The following MARCHF1 variants were observed in gnomAD, a reference collection of about 807,000 sequenced individuals.
MARCHF1 encodes membrane associated ring-CH-type finger 1, also known as E3 ubiquitin-protein ligase MARCHF1.
A neutral mutation model predicts 54.2 loss-of-function variants in MARCHF1; 40 were observed. The ratio of observed to expected loss-of-function variants is 0.74; its 90% CI spans 0.57 to 0.96. The LOEUF is 0.96. Ranked by LOEUF, MARCHF1 falls within the 40% of genes least tolerant of loss-of-function variation. MARCHF1 has a pLI of 0.00. For missense variants in MARCHF1, 586 were observed against 656.5 expected, an observed-to-expected ratio of 0.89 and a Z score of 1.17; for synonymous variants, 236 against 236.3, an observed-to-expected ratio of 1.00 and a Z score of 0.01.
chr4:164,319,276 GTA>G (rs1735077510), intron 1 of MARCHF1, among the ~76,000 whole-genome samples: 1 of 152,112 alleles, frequency 6.6e-6, no homozygotes, highest in South Asian at 2.1e-4. Context: ...ACAGGAGGAT[GTA>G]TATAGTTTAT....
intron 5 of MARCHF1, among the ~76,000 whole-genome samples, chr4:163,628,039 A>C (rs1741934287): frequency 6.6e-6 from 1 of 152,154 alleles, no homozygotes; most frequent in South Asian, 2.1e-4. Context: ...TTTCTAGATG[A>C]GGCACTAATA....
chr4:164,132,289 T>G (rs1756317359), intron 1 of MARCHF1, among the ~76,000 whole-genome samples: 1 of 152,182 alleles, frequency 6.6e-6, no homozygotes, highest in Admixed American at 6.6e-5. Context: ...ACAATCACTT[T>G]TTTTGACAAA....
intron 7 of MARCHF1, among the ~76,000 whole-genome samples, chr4:163,589,070 G>GA (rs34118569): frequency 0.47 from 60,428 of 127,834 alleles, 13,069 homozygotes; most frequent in East Asian, 0.62. Flanking sequence ...TGTCTTATTT[G>GA]AAAAAAAAAA....
chr4:164,036,890 A>G (rs1754017523), intron 2 of MARCHF1, among the ~76,000 whole-genome samples: 2 of 152,350 alleles, frequency 1.3e-5, no homozygotes, highest in South Asian at 4.1e-4. Context: ...ATATATGCAT[A>G]CCAAATGACT....
At chr4:163,749,292 C>A (rs1390835129) in intron 4 of MARCHF1, among the ~76,000 whole-genome samples, 2 of 150,720 alleles carry the variant, frequency 1.3e-5, no homozygotes, top group African/African-American at 4.9e-5. Context: ...TCTAGTATTG[C>A]TTTTTTTTTC....
intron 1 of MARCHF1, among the ~76,000 whole-genome samples, chr4:164,278,353 T>G (rs1441137984): frequency 6.6e-6 from 1 of 152,118 alleles, no homozygotes; most frequent in East Asian, 1.9e-4. Flanking sequence ...ACATGTGAAG[T>G]ATCCTGTCAA....
chr4:163,564,890 T>C (rs745617604), intron 8 of MARCHF1, among the ~76,000 whole-genome samples: 1 of 151,966 alleles, frequency 6.6e-6, no homozygotes, highest in East Asian at 1.9e-4. Context: ...TTTTTCATGA[T>C]GTCAGTTTCT....
chr4:164,064,702 G>A (rs965761214), intron 2 of MARCHF1, among the ~76,000 whole-genome samples: 2 of 152,170 alleles, frequency 1.3e-5, no homozygotes, highest in Non-Finnish European at 2.9e-5. Context: ...GGAGTGGTGA[G>A]AGAAGGCATC....
chr4:163,857,316 G>A (rs954119695), intron 3 of MARCHF1, among the ~76,000 whole-genome samples: 28 of 152,116 alleles, frequency 1.8e-4, no homozygotes, highest in African/African-American at 5.6e-4. Context: ...CTGAAGAATT[G>A]AAATGTTGAT....
chr4:163,578,398 A>T (rs11947659), intron 8 of MARCHF1, among the ~76,000 whole-genome samples: 4,468 of 152,094 alleles, frequency 0.029, 216 homozygotes, highest in African/African-American at 0.097. Flanking sequence ...ACTAATAAGG[A>T]AGTACTAAAA....
intron 8 of MARCHF1, among the ~76,000 whole-genome samples, chr4:163,546,907 T>C (rs1738930704): frequency 6.6e-6 from 1 of 152,238 alleles, no homozygotes; most frequent in South Asian, 2.1e-4. Flanking sequence ...ACTTCATTAT[T>C]ATGTTAGGAA....
chr4:163,960,088 C>T (rs1752317120), intron 3 of MARCHF1, among the ~76,000 whole-genome samples: 3 of 151,862 alleles, frequency 2.0e-5, no homozygotes, highest in Non-Finnish European at 1.5e-5. Context: ...GAGAAATGCA[C>T]GTCAAAACCA....
chr4:163,761,980 C>T (rs1372401547), intron 4 of MARCHF1, among the ~76,000 whole-genome samples: 1 of 152,092 alleles, frequency 6.6e-6, no homozygotes, highest in East Asian at 1.9e-4. Flanking sequence ...TCAGCCTTTT[C>T]AGGCCAAATA....
At chr4:164,347,803 C>A (rs1212078829) in intron 1 of MARCHF1, among the ~76,000 whole-genome samples, 2 of 152,032 alleles carry the variant, frequency 1.3e-5, no homozygotes, top group Non-Finnish European at 2.9e-5. Context: ...AAACAAAAAC[C>A]AAGATGCTCA....
intron 2 of MARCHF1, among the ~76,000 whole-genome samples, chr4:164,059,648 T>C (rs1445812436): frequency 6.6e-6 from 1 of 152,170 alleles, no homozygotes; most frequent in Non-Finnish European, 1.5e-5. Flanking sequence ...TGGTTATGCT[T>C]TCCAAATAAA....
At chr4:163,682,372 G>A (rs1194580049) in intron 5 of MARCHF1, among the ~76,000 whole-genome samples, 3 of 152,208 alleles carry the variant, frequency 2.0e-5, no homozygotes, top group East Asian at 1.9e-4. Flanking sequence ...ATGAGGGGCC[G>A]AATGTTAATC....
intron 4 of MARCHF1, among the ~76,000 whole-genome samples, chr4:163,770,778 G>T (rs1184475663): frequency 6.6e-6 from 1 of 152,142 alleles, no homozygotes; most frequent in African/African-American, 2.4e-5. Flanking sequence ...GTTCTTCAAC[G>T]CTCATGAGAT....
chr4:163,801,621 C>T (rs984073705), intron 4 of MARCHF1, among the ~76,000 whole-genome samples: 1 of 152,030 alleles, frequency 6.6e-6, no homozygotes, highest in Non-Finnish European at 1.5e-5. Context: ...ACCATCTGTG[C>T]ACCCAGATTA....
rs943094746 is a variant in MARCHF1 at position 164,297,207 on chromosome 4, T to C, written c.-323+86663A>G. Among the ~76,000 whole-genome samples the C allele has an allele frequency of 8.5e-5, 13 of 152,186 alleles. 1 individual carries two copies. Among genetic ancestry groups the C allele is most frequent in the Non-Finnish European group, 1.8e-4 (12 of 68,034 alleles). ...AAAATTTATCCACATATTTCCTAAG[T>C]CATTAAAAATGGAGATGGAGCCTCG... On this transcript the variant is annotated intron_variant, in intron 1 of 9. Transcript: ENST00000514618.
Sources: allele counts gnomAD v4.1 joint callset (sites outside exome capture counted in the v4.1 genomes callset), GRCh38; gene constraint gnomAD v4.1.1; transcripts MANE v1.5; gene names NCBI Gene and HGNC (gene_info 2026-07-23, HGNC 2026-07-21).